The following KCNJ3 variants were observed in gnomAD, a reference collection of about 807,000 sequenced individuals.
KCNJ3 encodes the protein G protein-activated inward rectifier potassium channel 1.
Under a neutral mutation model 39.2 loss-of-function variants are expected in KCNJ3, and 4 were observed. The observed-to-expected ratio is 0.10, with a 90% CI of 0.05 to 0.23. The LOEUF is 0.23. Among genes scored for constraint, KCNJ3 ranks in the 10% least tolerant of loss-of-function variants. KCNJ3 has a pLI of 1.00. For missense variants in KCNJ3, 276 were observed against 634.9 expected (o/e 0.43, Z 6.08); for synonymous variants, 230 against 237.4 (o/e 0.97, Z 0.29).
chr2:154,743,278 A>C (rs985248047), intron 2 of KCNJ3, among the ~76,000 whole-genome samples: 2 of 151,742 alleles, frequency 1.3e-5, no homozygotes, highest in Non-Finnish European at 3.0e-5. Flanking sequence ...CTTTATAGTA[A>C]ATTTTAAAAT....
At position 154,857,886 on chromosome 2, in the gene KCNJ3, CA is replaced by C. The variant is rs70983747; in HGVS notation, c.*2614del. 2.9e-4 allele frequency: 12 copies of C among 41,970 alleles called. No homozygotes were observed. The highest frequency in any genetic ancestry group is 4.5e-4 in the Non-Finnish European group (11 of 24,256). The allele number at this position is 41,970 out of a possible 1,614,324, so 2.6% of individuals were successfully genotyped here. ...ACAGTGCGAGACTCCATCTCAACAT[CA>C]AAAAAAAAAAAAAAAAAAAAAAAAA... On this transcript the variant is annotated 3_prime_UTR_variant, in exon 3 of 3. Transcript: ENST00000295101.
chr2:154,755,569 T>C (rs1685923271), intron 2 of KCNJ3, among the ~76,000 whole-genome samples: 1 of 149,600 alleles, frequency 6.7e-6, no homozygotes, highest in Non-Finnish European at 1.5e-5. Flanking sequence ...TGCTTTTTAT[T>C]CCAGCATACT....
At chr2:154,788,483 A>C (rs2105208543) in intron 2 of KCNJ3, among the ~76,000 whole-genome samples, 1 of 152,230 alleles carries the variant, frequency 6.6e-6, no homozygotes, top group South Asian at 2.1e-4. Context: ...CAGAAAAAGC[A>C]ATTTACTGGT....
In KCNJ3 at chr2:154,825,487, A is replaced by G. The variant is rs138882369; in HGVS notation, c.920-29240A>G. Among the ~76,000 whole-genome samples the G allele has an allele frequency of 3.3e-5, 5 of 152,236 alleles. No homozygotes were observed. The East Asian group carries it at 9.6e-4, about 29-fold the overall frequency. On this transcript the variant is annotated intron_variant, in intron 2 of 2. Coordinates refer to ENST00000295101, the MANE Select transcript of KCNJ3 (RefSeq NM_002239.4). ...GAGAAATATTGTGTAGCAAGTAGCA[A>G]TTTCAAAGATCTAGTCACAGTAATG...
chr2:154,825,360 G>A (rs549030151), intron 2 of KCNJ3, among the ~76,000 whole-genome samples: 29 of 152,108 alleles, frequency 1.9e-4, no homozygotes, highest in African/African-American at 7.0e-4. Context: ...GTCCACGAGT[G>A]GGAATCTAAC....
At chr2:154,836,037 C>T (rs982868213) in intron 2 of KCNJ3, among the ~76,000 whole-genome samples, 2 of 151,846 alleles carry the variant, frequency 1.3e-5, no homozygotes, top group Non-Finnish European at 2.9e-5. Context: ...ATGGCGAAAC[C>T]CTGTCTTACT....
At chr2:154,747,515 A>G (rs190144351) in intron 2 of KCNJ3, among the ~76,000 whole-genome samples, 308 of 152,046 alleles carry the variant, frequency 2.0e-3, no homozygotes, top group Non-Finnish European at 3.5e-3. Flanking sequence ...ACTAATCTGT[A>G]TTCTCTCCCT....
chr2:154,853,412 C>G (rs548950024), intron 2 of KCNJ3, among the ~76,000 whole-genome samples: 3 of 152,082 alleles, frequency 2.0e-5, no homozygotes, highest in African/African-American at 4.8e-5. Context: ...AGAAAAAAGA[C>G]AGAATATCCC....
intron 2 of KCNJ3, among the ~76,000 whole-genome samples, chr2:154,749,961 T>C (rs1685810254): frequency 6.6e-6 from 1 of 151,956 alleles, no homozygotes; most frequent in Non-Finnish European, 1.5e-5. Flanking sequence ...ACCACCGAAA[T>C]AAATGCTTAT....
At chr2:154,713,436 A>G (rs961727426) in intron 2 of KCNJ3, among the ~76,000 whole-genome samples, 4 of 151,936 alleles carry the variant, frequency 2.6e-5, no homozygotes, top group Non-Finnish European at 5.9e-5. Context: ...GAATCTTCTC[A>G]TTTCATTTAG....
At chr2:154,790,434 T>C (rs191063855) in intron 2 of KCNJ3, among the ~76,000 whole-genome samples, 44 of 152,182 alleles carry the variant, frequency 2.9e-4, no homozygotes, top group Admixed American at 2.8e-3. Context: ...TTGTTATTTC[T>C]CTTACATACT....
At chr2:154,783,037 G>T (rs1686465908) in intron 2 of KCNJ3, among the ~76,000 whole-genome samples, 1 of 152,054 alleles carries the variant, frequency 6.6e-6, no homozygotes, top group East Asian at 1.9e-4. Context: ...AATTAGCCGG[G>T]CGTGGTCGTG....
At chr2:154,852,524 C>A (rs1383024558) in intron 2 of KCNJ3, among the ~76,000 whole-genome samples, 1 of 152,028 alleles carries the variant, frequency 6.6e-6, no homozygotes, top group African/African-American at 2.4e-5. Context: ...ATGACAGTGG[C>A]TGCTTTTAGG....
chr2:154,824,725 T>C (rs1355945279), intron 2 of KCNJ3, among the ~76,000 whole-genome samples: 1 of 152,150 alleles, frequency 6.6e-6, no homozygotes, highest in Non-Finnish European at 1.5e-5. Flanking sequence ...TACAAACCAT[T>C]GTCGTGTATG....
chr2:154,726,378 A>G (rs918535334), intron 2 of KCNJ3, among the ~76,000 whole-genome samples: 2 of 152,228 alleles, frequency 1.3e-5, no homozygotes, highest in African/African-American at 4.8e-5. Context: ...ATAACTAATG[A>G]TTAAGGAAAC....
intron 2 of KCNJ3, among the ~76,000 whole-genome samples, chr2:154,717,911 A>G (rs1488026540): frequency 6.6e-6 from 1 of 152,206 alleles, no homozygotes; most frequent in Non-Finnish European, 1.5e-5. Context: ...GTAGTACTCT[A>G]CTGACCATTG....
intron 2 of KCNJ3, among the ~76,000 whole-genome samples, chr2:154,712,920 T>C (rs923329189): frequency 1.3e-5 from 2 of 151,988 alleles, no homozygotes; most frequent in African/African-American, 4.8e-5. Context: ...GCCCTTTTGG[T>C]CCAGTCTGGG....
At chr2:154,743,960 A>G (rs1478048333) in intron 2 of KCNJ3, among the ~76,000 whole-genome samples, 1 of 151,554 alleles carries the variant, frequency 6.6e-6, no homozygotes, top group Non-Finnish European at 1.5e-5. Flanking sequence ...TAAATATAAT[A>G]TTACATATGG....
At chr2:154,803,258 A>G (rs528402394) in intron 2 of KCNJ3, among the ~76,000 whole-genome samples, 1 of 152,176 alleles carries the variant, frequency 6.6e-6, no homozygotes, top group East Asian at 1.9e-4. Context: ...AGCAAATAGT[A>G]TTCATTTCCT....
Sources: allele counts gnomAD v4.1 joint callset (sites outside exome capture counted in the v4.1 genomes callset), GRCh38; gene constraint gnomAD v4.1.1; transcripts MANE v1.5; gene names NCBI Gene and HGNC (gene_info 2026-07-23, HGNC 2026-07-21).